Variants in KPNA1 observed in about 807,000 individuals in gnomAD.
KPNA1 encodes karyopherin subunit alpha 1.
Under a neutral mutation model 70.5 loss-of-function variants are expected in KPNA1, and 10 were observed. That is an observed-to-expected ratio of 0.14 (90% CI 0.09 to 0.24). The LOEUF is 0.24. Ranked by LOEUF, KPNA1 falls within the 10% of genes least tolerant of loss-of-function variation. The pLI, the probability that KPNA1 is intolerant of heterozygous loss-of-function variation, is 1.00. For missense variants in KPNA1, 397 were observed against 637.9 expected (o/e 0.62, Z 4.07); for synonymous variants, 192 against 221.9 (o/e 0.87, Z 1.20).
intron 2 of KPNA1, among the ~76,000 whole-genome samples, chr3:122,477,580 G>T (rs1395678747): frequency 6.6e-6 from 1 of 151,686 alleles, no homozygotes; most frequent in African/African-American, 2.4e-5. Context: ...CTGGCCTGTA[G>T]TCCCAGCTAC....
chr3:122,499,169 T>G (rs1370251075), intron 1 of KPNA1, among the ~76,000 whole-genome samples: 1 of 152,250 alleles, frequency 6.6e-6, no homozygotes, highest in Admixed American at 6.5e-5. Context: ...TTTCCAATTT[T>G]GATGTCTTTT....
At chr3:122,448,762 AAAAG>A (rs1164285679) in intron 9 of KPNA1, among the ~76,000 whole-genome samples, 2 of 152,108 alleles carry the variant, frequency 1.3e-5, no homozygotes, top group African/African-American at 4.8e-5. Context: ...AGAAAAAAAA[AAAAG>A]AAATGGCTAA....
intron 2 of KPNA1, among the ~76,000 whole-genome samples, chr3:122,484,195 G>A (rs1342731173): frequency 1.3e-5 from 2 of 152,150 alleles, no homozygotes; most frequent in African/African-American, 4.8e-5. Context: ...ACTGGTACTG[G>A]ACAGCCTCTT....
At chr3:122,467,246 C>A in intron 3 of KPNA1, 76 bp downstream of exon 3, 1 of 743,172 alleles carries the variant, frequency 1.3e-6, no homozygotes, top group Non-Finnish European at 2.2e-6. Context: ...GCCATCTAAC[C>A]TTTTTTAAAA....
chr3:122,499,672 T>C (rs1420118378), intron 1 of KPNA1, among the ~76,000 whole-genome samples: 1 of 151,504 alleles, frequency 6.6e-6, no homozygotes, highest in Non-Finnish European at 1.5e-5. Context: ...AGCAGCAGGA[T>C]GGCTTGAGTC....
At chr3:122,453,495 A>G (rs2107738370) in intron 6 of KPNA1, among the ~76,000 whole-genome samples, 1 of 151,624 alleles carries the variant, frequency 6.6e-6, no homozygotes, top group Non-Finnish European at 1.5e-5. Flanking sequence ...GCCCCTTATT[A>G]TGTTGGGAAA....
At chr3:122,465,376 A>G (rs1026920277) in intron 3 of KPNA1, among the ~76,000 whole-genome samples, 1 of 152,236 alleles carries the variant, frequency 6.6e-6, no homozygotes, top group Non-Finnish European at 1.5e-5. Context: ...ACATTAGCCT[A>G]CAGCTGAACA....
intron 2 of KPNA1, among the ~76,000 whole-genome samples, chr3:122,479,668 G>A (rs2076548568): frequency 6.6e-6 from 1 of 152,130 alleles, no homozygotes; most frequent in Non-Finnish European, 1.5e-5. Flanking sequence ...GCTGAGGCAG[G>A]AGAATCACTT....
At chr3:122,433,627 T>G (rs946540286) in intron 12 of KPNA1, 34 bp downstream of exon 12, 7 of 1,547,184 alleles carry the variant, frequency 4.5e-6, no homozygotes, top group Non-Finnish European at 6.1e-6. Flanking sequence ...TAATTTTTCT[T>G]TAACTTACAA....
chr3:122,441,387 A>T (rs1018584023), intron 10 of KPNA1, among the ~76,000 whole-genome samples: 1 of 152,160 alleles, frequency 6.6e-6, no homozygotes, highest in African/African-American at 2.4e-5. Flanking sequence ...CAAAAGGAGA[A>T]AGCTATCAGA....
At chr3:122,499,782 C>T (rs980817305) in intron 1 of KPNA1, among the ~76,000 whole-genome samples, 3 of 150,736 alleles carry the variant, frequency 2.0e-5, no homozygotes, top group Non-Finnish European at 4.4e-5. Flanking sequence ...AAAAAAGAGA[C>T]GGGTTTATAT....
intron 2 of KPNA1, among the ~76,000 whole-genome samples, chr3:122,494,825 C>T (rs1056867484): frequency 2.0e-5 from 3 of 152,156 alleles, no homozygotes; most frequent in Non-Finnish European, 4.4e-5. Context: ...GCCACTGCTA[C>T]ACCTTCAAAT....
chr3:122,434,123 G>A (rs2075953282), intron 11 of KPNA1, among the ~76,000 whole-genome samples: 1 of 152,100 alleles, frequency 6.6e-6, no homozygotes, highest in Admixed American at 6.6e-5. Flanking sequence ...TTTTAGTAGA[G>A]ACAGGGCTTC....
chr3:122,477,188 A>G (rs962298930), intron 2 of KPNA1, among the ~76,000 whole-genome samples: 1 of 152,222 alleles, frequency 6.6e-6, no homozygotes, highest in African/African-American at 2.4e-5. Context: ...AGACCACATA[A>G]GCATCTCACT....
At chr3:122,441,526 G>C (rs72958418) in intron 10 of KPNA1, among the ~76,000 whole-genome samples, 23,029 of 152,014 alleles carry the variant, frequency 0.15, 1,838 homozygotes, top group East Asian at 0.32. Flanking sequence ...CACTATCATA[G>C]GACAACCCCA....
At chr3:122,481,896 G>A (rs963059154) in intron 2 of KPNA1, among the ~76,000 whole-genome samples, 1 of 152,068 alleles carries the variant, frequency 6.6e-6, no homozygotes, top group Non-Finnish European at 1.5e-5. Flanking sequence ...CTTCCTTAAC[G>A]TCATATGACA....
intron 10 of KPNA1, among the ~76,000 whole-genome samples, chr3:122,441,365 A>G (rs1333907362): frequency 3.3e-5 from 5 of 149,782 alleles, no homozygotes; most frequent in Admixed American, 2.0e-4. Flanking sequence ...CACACAGGGG[A>G]CTTACCATGT....
chr3:122,508,923 T>C (rs1483357083), intron 1 of KPNA1, among the ~76,000 whole-genome samples: 1 of 152,010 alleles, frequency 6.6e-6, no homozygotes, highest in Non-Finnish European at 1.5e-5. Flanking sequence ...GAATACAGCA[T>C]CTATGAAACA....
At position 122,452,116 on chromosome 3, in the gene KPNA1, A is replaced by G. The variant is rs376368772; in HGVS notation, c.565-52T>C. The G allele has an allele frequency of 3.5e-5, 39 of 1,127,612 alleles. No individual in the cohort carries two copies. In the African/African-American group the frequency reaches 6.0e-4, roughly 17 times the overall value. 69.9% of individuals were successfully genotyped at this position (1,127,612 alleles called of 1,614,324 possible). On this transcript the variant is annotated intron_variant, in intron 6 of 13. Coordinates refer to ENST00000344337, the MANE Select transcript of KPNA1 (RefSeq NM_002264.4). The stretch of plus-strand genomic sequence containing the variant: ...GGTTACATAGTTTAATTCCCTCATA[A>G]TTCTTTCAGATGCCAGTATATCACA...
Sources: gnomAD v4.1 joint callset for allele counts (sites outside exome capture counted in the v4.1 genomes callset) on GRCh38, gnomAD v4.1.1 for gene constraint, MANE v1.5 for transcripts, NCBI Gene and HGNC (gene_info 2026-07-23, HGNC 2026-07-21) for gene names.